The following CCNB1 variants were observed in gnomAD, a reference collection of about 807,000 sequenced individuals.
CCNB1 encodes the protein G2/mitotic-specific cyclin-B1.
A neutral mutation model predicts 44.4 loss-of-function variants in CCNB1; 26 were observed. That is an observed-to-expected ratio of 0.59 (90% CI 0.43 to 0.81). CCNB1 has a LOEUF of 0.81. Ranked by LOEUF, CCNB1 falls within the 40% of genes least tolerant of loss-of-function variation. The probability of loss-of-function intolerance (pLI) is 0.00; values close to 1 mark genes in which losing one functional copy is unlikely to be tolerated. For synonymous variants in CCNB1, 195 were observed against 181.4 expected (o/e 1.08, Z -0.60); for missense variants, 477 against 520.9 (o/e 0.92, Z 0.82).
intron 1 of CCNB1, chr5:69,167,613 C>G (rs552524507): frequency 1.2e-5 from 6 of 500,602 alleles, no homozygotes; most frequent in African/African-American, 1.0e-4. Flanking sequence ...ACCCCCTTCC[C>G]AGAGAGAAGG....
At chr5:69,171,134 C>T (rs188199177) in intron 3 of CCNB1, 136 bp from the exon 4 acceptor site, 159 of 615,226 alleles carry the variant, frequency 2.6e-4, no homozygotes, top group African/African-American at 2.3e-3. Flanking sequence ...TGAAAAGATA[C>T]TTTTCCTTTA....
In CCNB1 at chr5:69,177,358, AT is replaced by A. The variant is rs755212154; in HGVS notation, c.1194+10del. ...GACTTACAAAGCACATGGTGAGTCA[AT>A]ATAGTGGCATTGTAAGATGCTGAAA... On this transcript the variant is annotated intron_variant, in intron 8 of 8. Coordinates refer to ENST00000256442, the MANE Select transcript of CCNB1 (RefSeq NM_031966.4). 2.6e-6 allele frequency: 4 copies of A among 1,523,014 alleles called. No individual in the cohort carries two copies. The highest frequency in any genetic ancestry group is 3.6e-6 in the Non-Finnish European group (4 of 1,097,920). The allele number at this position is 1,523,014 out of a possible 1,614,324, so 94.3% of individuals were successfully genotyped here.
chr5:69,171,432 G>A lies in CCNB1; in HGVS notation c.526G>A (p.Ala176Thr). 1 of 1,603,388 alleles carries A rather than the reference G, an allele frequency of 6.2e-7. No homozygotes were observed. The highest frequency in any genetic ancestry group is 8.5e-7 in the Non-Finnish European group (1 of 1,176,726). The change falls in exon 4 of 9, where the codon GCT becomes ACT. Residue 176 changes from alanine to threonine, a missense_variant. Physicochemically the swap from Ala to Thr is moderately conservative, Grantham distance 58 (BLOSUM62 0). Coordinates refer to ENST00000256442, the MANE Select transcript of CCNB1 (RefSeq NM_031966.4). ...TAGTGAATATGTGAAAGATATTTATGCTTATCTGAGACAACTTGAGGTAAG... is the reference window on the plus strand; with the variant it reads ...TAGTGAATATGTGAAAGATATTTATACTTATCTGAGACAACTTGAGGTAAG... ...LCSEYVKDIYAYLRQLEEEQA... is the reference protein window; with the variant it reads ...LCSEYVKDIYTYLRQLEEEQA...
chr5:69,172,834 C>T (rs910912621), intron 4 of CCNB1, among the ~76,000 whole-genome samples: 1 of 139,562 alleles, frequency 7.2e-6, no homozygotes, highest in Admixed American at 7.8e-5. Context: ...TGTGCAGTGG[C>T]ACAATCTCGG....
chr5:69,174,443 A>G, intron 5 of CCNB1, 34 bp downstream of exon 5: 1 of 1,604,172 alleles, frequency 6.2e-7, no homozygotes, highest in Non-Finnish European at 8.5e-7. Context: ...CCCTTCCAGG[A>G]TTCTAGCCGA....
In CCNB1 at chr5:69,178,198, C is replaced by T. The variant is rs1747640214; in HGVS notation, c.*567C>T. 6.6e-6 allele frequency: 1 copy of T among 152,156 alleles called. No homozygotes were observed. The highest frequency in any genetic ancestry group is 6.6e-5 in the Admixed American group (1 of 15,264). 9.4% of individuals were successfully genotyped at this position (152,156 alleles called of 1,614,324 possible). A position where few individuals can be genotyped will look rare whatever the true frequency, so the allele number is the denominator to read the frequency against. On this transcript the variant is annotated 3_prime_UTR_variant, in exon 9 of 9. Transcript: ENST00000256442. The stretch of plus-strand genomic sequence containing the variant: ...GAATTTTATATTCTAAGCCAGTTTT[C>T]ATTTTGGTTTTGTGTTTTGGTTAAT...
At position 69,177,248 on chromosome 5, in the gene CCNB1, C is replaced by G. The variant is rs754133929; in HGVS notation, c.1093C>G (p.Leu365Val). The G allele has an allele frequency of 6.3e-7, 1 of 1,595,372 alleles. No individual in the cohort carries two copies. The highest frequency in any genetic ancestry group is 1.1e-5 in the South Asian group (1 of 89,642). ...TAACTTGTTGCCTTAGACACCAACT[C>G]TACAACATTACCTGTCATATACTGA... is the stretch of plus-strand genomic sequence containing the variant. ...ILDNGEWTPTLQHYLSYTEES... is the reference protein window; with the variant it reads ...ILDNGEWTPTVQHYLSYTEES... The change falls in exon 8 of 9, where the codon CTA (leucine) becomes GTA (valine). Residue 365 changes from leucine to valine, a missense_variant. Coordinates refer to ENST00000256442, the MANE Select transcript of CCNB1 (RefSeq NM_031966.4).
chr5:69,176,673 C>G (rs1342726656), intron 7 of CCNB1, among the ~76,000 whole-genome samples: 1 of 151,500 alleles, frequency 6.6e-6, no homozygotes, highest in Admixed American at 6.6e-5. Flanking sequence ...CCCGGCCTAC[C>G]CTAGGTCTTA....
intron 4 of CCNB1, 45 bp from the exon 5 acceptor site, chr5:69,174,206 A>G: frequency 1.9e-6 from 3 of 1,585,912 alleles, no homozygotes; most frequent in Non-Finnish European, 2.6e-6. Context: ...TAAATGTGTC[A>G]CATGGAGTCA....
At chr5:69,169,994 T>TG (rs1463817980) in intron 3 of CCNB1, among the ~76,000 whole-genome samples, 1 of 150,350 alleles carries the variant, frequency 6.7e-6, no homozygotes, top group African/African-American at 2.5e-5. Context: ...GACAGAGTCT[T>TG]GCTCTGTCAC....
Position 69,167,190 on chromosome 5 carries a change from T to C in CCNB1, c.-73T>C. ...AACGGCTGTTGGTTTCTGCTGGGTG[T>C]AGGTCCTTGGCTGGTCGGGCCTCCG... On this transcript the variant is annotated 5_prime_UTR_variant, in exon 1 of 9. Coordinates refer to ENST00000256442, the MANE Select transcript of CCNB1 (RefSeq NM_031966.4). The C allele has an allele frequency of 8.9e-6, 12 of 1,354,628 alleles. No individual in the cohort carries two copies. The highest frequency in any genetic ancestry group is 1.1e-5 in the Non-Finnish European group (11 of 995,616). The allele number at this position is 1,354,628 out of a possible 1,614,324, so 83.9% of individuals were successfully genotyped here.
chr5:69,176,539 TA>T (rs200762214), intron 7 of CCNB1, among the ~76,000 whole-genome samples: 11 of 117,362 alleles, frequency 9.4e-5, no homozygotes, highest in African/African-American at 4.6e-4. Flanking sequence ...TATATATATA[TA>T]TATTTTTTTT....
Position 69,174,882 on chromosome 5 carries a change from TTGTG to T in CCNB1, c.714_717del (p.Val239ProfsTer33). On this transcript the variant is annotated frameshift_variant, in exon 6 of 9. Transcript: ENST00000256442. LOFTEE classifies it high-confidence loss of function. Reference sequence around the variant, plus strand: ...TATTGAAATTCCCATTGCAGAATAATTGTGTGCCCAAGAAGATGCTGCAGCTGGT... The same window carrying T: ...TATTGAAATTCCCATTGCAGAATAATTGCCCAAGAAGATGCTGCAGCTGGT... 6.2e-7 allele frequency: 1 copy of T among 1,613,422 alleles called. No homozygotes were observed. Among genetic ancestry groups the T allele is most frequent in the Non-Finnish European group, 8.5e-7 (1 of 1,179,346 alleles).
intron 7 of CCNB1, 32 bp downstream of exon 7, chr5:69,175,569 T>A: frequency 6.3e-7 from 1 of 1,599,686 alleles, no homozygotes; most frequent in Non-Finnish European, 8.5e-7. Context: ...TCCTAAGCTT[T>A]TAAATTTTAA....
At chr5:69,171,653 A>G (rs1056912435) in intron 4 of CCNB1, among the ~76,000 whole-genome samples, 1 of 152,164 alleles carries the variant, frequency 6.6e-6, no homozygotes, top group Non-Finnish European at 1.5e-5. Context: ...TGTGCAGGAA[A>G]GTTCGAAGTT....
intron 7 of CCNB1, among the ~76,000 whole-genome samples, chr5:69,176,901 C>A (rs142840485): frequency 1.2e-4 from 18 of 151,806 alleles, no homozygotes; most frequent in Admixed American, 3.9e-4. Context: ...ATCACTTGAA[C>A]CTGGGGGCGG....
rs983479696 is a variant in CCNB1 at position 69,171,348 on chromosome 5, G to T, written c.442G>T (p.Asp148Tyr). The T allele has an allele frequency of 1.2e-6, 2 of 1,614,098 alleles. No individual in the cohort carries two copies. The highest frequency in any genetic ancestry group is 8.5e-7 in the Non-Finnish European group (1 of 1,179,984). ...AEEDLCQAFS[D>Y]VILAVNDVDA... ...AGAAGACCTGTGTCAGGCTTTCTCT[G>T]ATGTAATTCTTGCAGTAAATGATGT... Residue 148 changes from aspartate (D) to tyrosine (Y), a missense_variant, in exon 4 of 9, where the codon GAT (aspartate) becomes TAT (tyrosine). By Grantham distance (160) the Asp-to-Tyr change is radical (BLOSUM62 -3). Transcript: ENST00000256442.
chr5:69,176,540 A>ATTTT (rs199557367), intron 7 of CCNB1, among the ~76,000 whole-genome samples: 46 of 145,762 alleles, frequency 3.2e-4, no homozygotes, highest in South Asian at 6.4e-4. Context: ...ATATATATAT[A>ATTTT]TATTTTTTTT....
chr5:69,167,501 G>C, intron 1 of CCNB1: 1 of 573,982 alleles, frequency 1.7e-6, no homozygotes, highest in Non-Finnish European at 3.1e-6. Flanking sequence ...AAAGAGAACT[G>C]GACGGATATT....
Sources: gnomAD v4.1 joint callset for allele counts (sites outside exome capture counted in the v4.1 genomes callset) on GRCh38, gnomAD v4.1.1 for gene constraint, MANE v1.5 for transcripts, NCBI Gene and HGNC (gene_info 2026-07-23, HGNC 2026-07-21) for gene names.